The following EPB41 variants were observed in gnomAD, a reference collection of about 807,000 sequenced individuals.
EPB41 encodes erythrocyte membrane protein band 4.1, also known as protein 4.1.
In EPB41, 65 loss-of-function variants were observed where a neutral mutation model predicts 108.0. The ratio of observed to expected loss-of-function variants is 0.60; its 90% CI spans 0.49 to 0.74. The LOEUF (loss-of-function observed/expected upper bound fraction) is 0.74. Among genes scored for constraint, EPB41 ranks in the 30% least tolerant of loss-of-function variants. EPB41 has a pLI of 0.00. For missense variants in EPB41, 875 were observed against 1,037.0 expected (o/e 0.84, Z 2.15); for synonymous variants, 336 against 358.9 (o/e 0.94, Z 0.72).
At chr1:28,889,682 C>T (rs1164421512) in intron 1 of EPB41, 7 of 402,348 alleles carry the variant, frequency 1.7e-5, no homozygotes, top group African/African-American at 1.5e-4. Flanking sequence ...CTGATGGAAC[C>T]TAGGCTGCAG....
intron 8 of EPB41, among the ~76,000 whole-genome samples, chr1:29,031,134 G>A (rs574965451): frequency 6.6e-6 from 1 of 152,288 alleles, no homozygotes; most frequent in East Asian, 1.9e-4. Flanking sequence ...AAGTGTATCA[G>A]TTAAATCAGT....
chr1:28,901,187 C>T (rs887863894), intron 1 of EPB41, among the ~76,000 whole-genome samples: 22 of 151,600 alleles, frequency 1.5e-4, no homozygotes, highest in Non-Finnish European at 4.4e-5. Context: ...CCTTGGCCTC[C>T]CAAAGTGCTG....
chr1:28,999,630 C>A (rs2096256695), intron 4 of EPB41, among the ~76,000 whole-genome samples: 3 of 152,140 alleles, frequency 2.0e-5, no homozygotes, highest in African/African-American at 7.2e-5. Context: ...GAAGCTGGCT[C>A]ATCTAAAGCC....
intron 7 of EPB41, among the ~76,000 whole-genome samples, chr1:29,029,045 A>T (rs2096756780): frequency 6.6e-6 from 1 of 151,860 alleles, no homozygotes; most frequent in South Asian, 2.1e-4. Flanking sequence ...CTGTCTCAAA[A>T]AAAAAAAAAA....
intron 1 of EPB41, among the ~76,000 whole-genome samples, chr1:28,915,872 TG>T: frequency 6.6e-6 from 1 of 152,080 alleles, no homozygotes; most frequent in Non-Finnish European, 1.5e-5. Flanking sequence ...CTCTTGAGGA[TG>T]TACTGTAGTC....
chr1:29,099,258 T>G (rs1383142379), intron 17 of EPB41, among the ~76,000 whole-genome samples: 3 of 137,520 alleles, frequency 2.2e-5, no homozygotes, highest in Non-Finnish European at 4.6e-5. Flanking sequence ...CCGAGATTGC[T>G]CCACTGCATT....
At chr1:28,895,379 A>T (rs562610254) in intron 1 of EPB41, among the ~76,000 whole-genome samples, 1 of 152,126 alleles carries the variant, frequency 6.6e-6, no homozygotes, top group Non-Finnish European at 1.5e-5. Context: ...AGGCATTATT[A>T]TCCCCGCTTC....
At chr1:29,097,562 C>T (rs1422197169) in intron 16 of EPB41, 12 of 532,490 alleles carry the variant, frequency 2.3e-5, no homozygotes, top group South Asian at 2.3e-4. Flanking sequence ...TCTGCTCTTA[C>T]AGCTTTCCAT....
intron 10 of EPB41, among the ~76,000 whole-genome samples, chr1:29,036,734 T>G (rs1572856976): frequency 6.7e-6 from 1 of 150,090 alleles, no homozygotes; most frequent in South Asian, 2.1e-4. Context: ...TGGAGTGCAG[T>G]GGCGGATCTC....
intron 1 of EPB41, among the ~76,000 whole-genome samples, chr1:28,947,686 T>TGCG (rs1236992621): frequency 6.6e-6 from 1 of 151,908 alleles, no homozygotes; most frequent in Admixed American, 6.6e-5. Flanking sequence ...ATTAGCTGGG[T>TGCG]GTGGCGGCAC....
At chr1:28,903,584 G>A (rs1385782590) in intron 1 of EPB41, among the ~76,000 whole-genome samples, 1 of 151,794 alleles carries the variant, frequency 6.6e-6, no homozygotes, top group African/African-American at 2.4e-5. Flanking sequence ...GCCTCCCAAA[G>A]TGCTGGGATT....
chr1:29,055,972 C>T (rs185201766), intron 12 of EPB41, among the ~76,000 whole-genome samples: 3,606 of 146,066 alleles, frequency 0.025, 140 homozygotes, highest in African/African-American at 0.087. Context: ...CGCGGTGGCT[C>T]ACGCCTGTAA....
chr1:28,917,366 C>T (rs1345755476), intron 1 of EPB41, among the ~76,000 whole-genome samples: 4 of 151,856 alleles, frequency 2.6e-5, no homozygotes. Flanking sequence ...CTGCAACCTC[C>T]ACCTCCTGGA....
intron 15 of EPB41, among the ~76,000 whole-genome samples, chr1:29,062,148 T>A (rs1471142267): frequency 6.6e-6 from 1 of 152,230 alleles, no homozygotes; most frequent in African/African-American, 2.4e-5. Context: ...TCTCTTTGTT[T>A]TAGCCCATAT....
chr1:28,976,654 A>G (rs912563500), intron 1 of EPB41, among the ~76,000 whole-genome samples: 4 of 150,356 alleles, frequency 2.7e-5, no homozygotes, highest in Admixed American at 1.3e-4. Flanking sequence ...GTGCCTGGCC[A>G]TGGAATTTTA....
chr1:29,030,258 C>A (rs1439117522), intron 7 of EPB41, 142 bp from the exon 8 acceptor site: 3 of 664,278 alleles, frequency 4.5e-6, no homozygotes, highest in Non-Finnish European at 5.3e-6. Context: ...TCCATAATAA[C>A]CTACTTTCAG....
At chr1:28,929,608 C>T (rs1442375076) in intron 1 of EPB41, among the ~76,000 whole-genome samples, 2 of 146,934 alleles carry the variant, frequency 1.4e-5, no homozygotes, top group African/African-American at 5.1e-5. Context: ...CTTGGCTCAC[C>T]GCAATCTCTG....
At chr1:28,938,595 C>A (rs981780347) in intron 1 of EPB41, among the ~76,000 whole-genome samples, 1 of 149,828 alleles carries the variant, frequency 6.7e-6, no homozygotes, top group Admixed American at 6.7e-5. Flanking sequence ...TGCAGTAGTG[C>A]GATTTTTGCT....
chr1:29,052,871 C>T (rs1031264005), intron 11 of EPB41, among the ~76,000 whole-genome samples: 3 of 152,156 alleles, frequency 2.0e-5, no homozygotes, highest in African/African-American at 4.8e-5. Context: ...ATTCATGGAA[C>T]ATGATCATTA....
Sources: allele counts gnomAD v4.1 joint callset (sites outside exome capture counted in the v4.1 genomes callset), GRCh38; gene constraint gnomAD v4.1.1; transcripts MANE v1.5; gene names NCBI Gene and HGNC (gene_info 2026-07-23, HGNC 2026-07-21).